GPRIN1: variants seen among roughly 807,000 people sequenced by gnomAD.
GPRIN1 encodes the protein G protein-regulated inducer of neurite outgrowth 1.
In GPRIN1, 4 loss-of-function variants were observed where a neutral mutation model predicts 2.8. The observed-to-expected ratio is 1.45, with a 90% CI of 0.71 to 3.32. GPRIN1 has a LOEUF of 3.32. Ranked by LOEUF, GPRIN1 falls within the 30% of genes most tolerant of loss-of-function variation. GPRIN1 has a pLI of 0.01. For missense variants in GPRIN1, 1,322 were observed against 1,343.4 expected (o/e 0.98, Z 0.25); for synonymous variants, 589 against 589.9 (o/e 1.00, Z 0.02).
At position 176,599,374 on chromosome 5, in the gene GPRIN1, TC is replaced by T. The variant is rs753537681; in HGVS notation, c.460del (p.Asp154IlefsTer13). The stretch of plus-strand genomic sequence containing the variant: ...ATCGGCCTGCTTTGAGGACTTGAAA[TC>T]CATCTTCTCTAAGAACATGGGATTT... Reference protein sequence around the residue: ...DRNPMFLEKMDFKSSKQADST... With the variant: ...DRNPMFLEKMXFKSSKQADST... On this transcript the variant is annotated frameshift_variant, in exon 2 of 2. Transcript: ENST00000303991. LOFTEE classifies it low-confidence loss of function (END_TRUNC). The T allele has an allele frequency of 6.2e-7, 1 of 1,614,234 alleles. No individual in the cohort carries two copies. Among genetic ancestry groups the T allele is most frequent in the Non-Finnish European group, 8.5e-7 (1 of 1,180,034 alleles).
chr5:176,598,313 C>T lies in GPRIN1; in HGVS notation c.1522G>A (p.Ala508Thr). The change falls in exon 2 of 2, where the codon GCA becomes ACA. Residue 508 changes from alanine to threonine, a missense_variant. Coordinates refer to ENST00000303991, the MANE Select transcript of GPRIN1 (RefSeq NM_052899.3). The part of the protein sequence containing the change: ...RSLGTAGPPS[A>T]VKAEPATGGK... ...CCCGTCGCTGGCTCAGCCTTTACTG[C>T]AGATGGGGGACCTGCTGTCCCCAAG... 2 of 1,613,802 alleles carry T rather than the reference C, an allele frequency of 1.2e-6. No individual in the cohort carries two copies. The highest frequency in any genetic ancestry group is 8.5e-7 in the Non-Finnish European group (1 of 1,179,806).
intron 1 of GPRIN1, among the ~76,000 whole-genome samples, chr5:176,606,117 G>C (rs1244598188): frequency 6.6e-6 from 1 of 152,160 alleles, no homozygotes; most frequent in Admixed American, 6.5e-5. Flanking sequence ...CCGCTTATCA[G>C]CTCTGTGACT....
chr5:176,598,810 A>C lies in GPRIN1; in HGVS notation c.1025T>G (p.Leu342Trp). 6.2e-7 allele frequency: 1 copy of C among 1,613,706 alleles called. No homozygotes were observed. The highest frequency in any genetic ancestry group is 2.2e-5 in the East Asian group (1 of 44,868). Residue 342 changes from leucine (L) to tryptophan (W), a missense_variant, in exon 2 of 2, where the codon TTG becomes TGG. By Grantham distance (61) the Leu-to-Trp change is moderately conservative (BLOSUM62 -2). This residue lies in a region of GPRIN1 where 1,117 missense variants were observed against 1,128.6 expected (regional missense o/e 0.99). Transcript: ENST00000303991. ...CAAGCATGTGGGATCCAGCCTTCCC[A>C]AGGACCCAGGAGCCCCGGTCCCAGA... is the stretch of plus-strand genomic sequence containing the variant. ...VSSGTGAPGS[L>W]GRLDPTCLGM...
In GPRIN1 at chr5:176,597,503, A is replaced by C; in HGVS notation, c.2332T>G (p.Cys778Gly). Residue 778 changes from cysteine to glycine, a missense_variant, in exon 2 of 2, where the codon TGC becomes GGC. Cys to Gly is a radical substitution (Grantham distance 159). Coordinates refer to ENST00000303991, the MANE Select transcript of GPRIN1 (RefSeq NM_052899.3). This position sits in a 1 kb window ranked among gnomAD's most constrained non-coding sequence, Gnocchi z 6.1. Reference protein sequence around the residue: ...LEAAGAERSPCPEAAAPPPGP... With the variant: ...LEAAGAERSPGPEAAAPPPGP... The stretch of plus-strand genomic sequence containing the variant: ...GGCGGGGGCGCTGCGGCCTCTGGGC[A>C]GGGGCTTCTCTCGGCCCCAGCGGCT... 6.9e-7 allele frequency: 1 copy of C among 1,447,568 alleles called. No individual in the cohort carries two copies. Among genetic ancestry groups the C allele is most frequent in the South Asian group, 1.3e-5 (1 of 74,444 alleles). 89.7% of individuals were successfully genotyped at this position (1,447,568 alleles called of 1,614,324 possible).
At position 176,602,382 on chromosome 5, in the gene GPRIN1, C is replaced by T. The variant is rs890847098; in HGVS notation, c.-43-2505G>A. Among the ~76,000 whole-genome samples the T allele has an allele frequency of 6.6e-6, 1 of 152,086 alleles. No individual in the cohort carries two copies. The highest frequency in any genetic ancestry group is 1.5e-5 in the Non-Finnish European group (1 of 68,014). ...CGCTTATTGCTTGTGGTGTGTTGCT[C>T]TCATTAAAATGCCAGCTCCAGGAGG... is the stretch of plus-strand genomic sequence containing the variant. On this transcript the variant is annotated intron_variant, in intron 1 of 1. Transcript: ENST00000303991. This position sits in a 1 kb window ranked among gnomAD's most constrained non-coding sequence, Gnocchi z 4.4.
chr5:176,597,195 G>A lies in GPRIN1; in HGVS notation c.2640C>T (p.Ala880=). The A allele has an allele frequency of 7.6e-7, 1 of 1,318,930 alleles. No individual in the cohort carries two copies. Among genetic ancestry groups the A allele is most frequent in the Non-Finnish European group, 9.7e-7 (1 of 1,033,720 alleles). 81.7% of individuals were successfully genotyped at this position (1,318,930 alleles called of 1,614,324 possible). The stretch of plus-strand genomic sequence containing the variant: ...CTTCGGGGAAGGCGGGCGGCGCGGC[G>A]GCTTGAGGTGTCATGGGCCCAGTGG... ...SVATGPMTPQ[A]AAPPAFPEVR... The change falls in exon 2 of 2, where the codon GCC becomes GCT. Residue 880 remains alanine, a synonymous_variant. Coordinates refer to ENST00000303991, the MANE Select transcript of GPRIN1 (RefSeq NM_052899.3). The surrounding 1 kb of genome is among the most constrained non-coding windows in gnomAD (Gnocchi z 6.1).
At position 176,597,387 on chromosome 5, in the gene GPRIN1, CGCCT is replaced by C. The variant is rs1759058305; in HGVS notation, c.2444_2447del (p.Gln815ArgfsTer11). 7.8e-7 allele frequency: 1 copy of C among 1,282,658 alleles called. No homozygotes were observed. The highest frequency in any genetic ancestry group is 9.8e-7 in the Non-Finnish European group (1 of 1,019,110). 79.5% of individuals were successfully genotyped at this position (1,282,658 alleles called of 1,614,324 possible). On this transcript the variant is annotated frameshift_variant, in exon 2 of 2. Coordinates refer to ENST00000303991, the MANE Select transcript of GPRIN1 (RefSeq NM_052899.3). LOFTEE classifies it low-confidence loss of function (END_TRUNC). The surrounding 1 kb of genome is among the most constrained non-coding windows in gnomAD (Gnocchi z 6.1). ...CCACTGAGACGCAGGCCTGCGCGCC[CGCCT>C]GAGTGCCCGCGTCCTCGCGCGGCGG...
At position 176,599,188 on chromosome 5, in the gene GPRIN1, T is replaced by C. The variant is rs1472333094; in HGVS notation, c.647A>G (p.Lys216Arg). 6.2e-7 allele frequency: 1 copy of C among 1,613,854 alleles called. No individual in the cohort carries two copies. Among genetic ancestry groups the C allele is most frequent in the African/African-American group, 1.3e-5 (1 of 75,038 alleles). The change falls in exon 2 of 2, where the codon AAA (lysine) becomes AGA (arginine). Residue 216 changes from lysine (K) to arginine (R), a missense_variant. By Grantham distance (26) the Lys-to-Arg change is conservative. This residue lies in a region of GPRIN1 where 1,117 missense variants were observed against 1,128.6 expected (regional missense o/e 0.99). Coordinates refer to ENST00000303991, the MANE Select transcript of GPRIN1 (RefSeq NM_052899.3). ...CTTGCTGGAGCACAAAGGATCTACT[T>C]TTCCCAGGGATCCAAGATCTTCCTT... is the stretch of plus-strand genomic sequence containing the variant. ...VRKEDLGSLG[K>R]VDPLCSSKTY...
In GPRIN1 at chr5:176,598,272, G is replaced by C; in HGVS notation, c.1563C>G (p.Pro521=). 6.2e-7 allele frequency: 1 copy of C among 1,613,462 alleles called. No homozygotes were observed. The highest frequency in any genetic ancestry group is 8.5e-7 in the Non-Finnish European group (1 of 1,179,886). Residue 521 remains proline, a synonymous_variant, in exon 2 of 2, where the codon CCC becomes CCG. Transcript: ENST00000303991. ...CCAGACCTGCCTTCTCCGAGGACAG[G>C]GGATCTCCTTTTCCCCCCGTCGCTG... ...AEPATGGKGD[P]LSSEKAGLVA...
intron 1 of GPRIN1, among the ~76,000 whole-genome samples, chr5:176,606,239 T>C (rs1561888967): frequency 1.3e-5 from 2 of 152,148 alleles, no homozygotes; most frequent in Non-Finnish European, 2.9e-5. Context: ...CTGCTCACTT[T>C]AGGGCTGGGC....
At position 176,599,138 on chromosome 5, in the gene GPRIN1, C is replaced by T. The variant is rs1285442727; in HGVS notation, c.697G>A (p.Glu233Lys). 4.7e-6 allele frequency: 4 copies of T among 860,010 alleles called. No individual in the cohort carries two copies. Among genetic ancestry groups the T allele is most frequent in the Admixed American group, 2.8e-5 (1 of 35,696 alleles). 53.3% of individuals were successfully genotyped at this position (860,010 alleles called of 1,614,324 possible). A position where few individuals can be genotyped will look rare whatever the true frequency, so the allele number is the denominator to read the frequency against. Residue 233 changes from glutamate to lysine, a missense_variant, in exon 2 of 2, where the codon GAG becomes AAG. By Grantham distance (56) the Glu-to-Lys change is moderately conservative. This residue lies in a region of GPRIN1 where 1,117 missense variants were observed against 1,128.6 expected (regional missense o/e 0.99). Transcript: ENST00000303991. ...SKTYTVSPRKEDPGSLRKVDP... is the reference protein window; with the variant it reads ...SKTYTVSPRKKDPGSLRKVDP... ...ACCTTTCTCAAAGACCCAGGATCCT[C>T]CTTCCTCGGTGACACTGTATACGTC...
Position 176,598,531 on chromosome 5 carries a change from A to G in GPRIN1, c.1304T>C (p.Leu435Ser), listed in dbSNP as rs1314797324. Reference protein sequence around the residue: ...DPMCSGKPELLSPGQAERVSV... With the variant: ...DPMCSGKPELSSPGQAERVSV... ...CACACGCTCTGCCTGTCCAGGAGAC[A>G]AGAGCTCTGGCTTTCCTGAGCACAT... Residue 435 changes from leucine to serine, a missense_variant, in exon 2 of 2, where the codon TTG becomes TCG. By Grantham distance (145) the Leu-to-Ser change is moderately radical (BLOSUM62 -2). Coordinates refer to ENST00000303991, the MANE Select transcript of GPRIN1 (RefSeq NM_052899.3). 1.2e-6 allele frequency: 2 copies of G among 1,614,170 alleles called. No homozygotes were observed. Among genetic ancestry groups the G allele is most frequent in the Admixed American group, 1.7e-5 (1 of 60,024 alleles).
Position 176,596,736 on chromosome 5 carries a change from C to A in GPRIN1, c.*72G>T. 1 of 1,276,186 alleles carries A rather than the reference C, an allele frequency of 7.8e-7. No individual in the cohort carries two copies. The highest frequency in any genetic ancestry group is 1.0e-6 in the Non-Finnish European group (1 of 994,960). The allele number at this position is 1,276,186 out of a possible 1,614,324, so 79.1% of individuals were successfully genotyped here. A position where few individuals can be genotyped will look rare whatever the true frequency, so the allele number is the denominator to read the frequency against. The stretch of plus-strand genomic sequence containing the variant: ...AGGCCTGTGGCACGCAGAGGGGACC[C>A]CTTCTAGGGGCCTGTGATCAAGAAG... On this transcript the variant is annotated 3_prime_UTR_variant, in exon 2 of 2. Coordinates refer to ENST00000303991, the MANE Select transcript of GPRIN1 (RefSeq NM_052899.3). This position sits in a 1 kb window ranked among gnomAD's most constrained non-coding sequence, Gnocchi z 5.2.
chr5:176,602,796 C>T lies in GPRIN1; in HGVS notation c.-43-2919G>A, dbSNP rs1204238999. Among the ~76,000 whole-genome samples the T allele has an allele frequency of 6.6e-6, 1 of 151,946 alleles. No homozygotes were observed. The highest frequency in any genetic ancestry group is 1.5e-5 in the Non-Finnish European group (1 of 68,022). ...ACTGTGGGACAACCACGCAGAGCAC[C>T]GGGCAGCTACTAGAAGGTGTGGGGT... On this transcript the variant is annotated intron_variant, in intron 1 of 1. Coordinates refer to ENST00000303991, the MANE Select transcript of GPRIN1 (RefSeq NM_052899.3). The surrounding 1 kb of genome is among the most constrained non-coding windows in gnomAD (Gnocchi z 4.4).
At chr5:176,599,968 C>G (rs1444782429) in intron 1 of GPRIN1, 91 bp from the exon 2 acceptor site, 1 of 824,022 alleles carries the variant, frequency 1.2e-6, no homozygotes, top group African/African-American at 1.8e-5. Flanking sequence ...GTGCTGTGTC[C>G]CATCTGGTCC....
rs373091421 is a variant in GPRIN1 at position 176,598,568 on chromosome 5, T to G, written c.1267A>C (p.Lys423Gln). The G allele has an allele frequency of 6.2e-7, 1 of 1,614,148 alleles. No individual in the cohort carries two copies. The highest frequency in any genetic ancestry group is 1.1e-5 in the South Asian group (1 of 91,078). The change falls in exon 2 of 2, where the codon AAG becomes CAG. Residue 423 changes from lysine (K) to glutamine (Q), a missense_variant. Physicochemically the swap from Lys to Gln is moderately conservative, Grantham distance 53 (BLOSUM62 1). Around this residue, in one of 3 missense-constraint regions of GPRIN1, gnomAD observed 1,117 missense variants for 1,128.6 expected, o/e 0.99. Transcript: ENST00000303991. ...SGKVDPVSLG[K>Q]MDPMCSGKPE... ...TTTCCTGAGCACATGGGGTCCATCTTTCCCAGAGAAACTGGATCCACCTTG... is the reference window on the plus strand; with the variant it reads ...TTTCCTGAGCACATGGGGTCCATCTGTCCCAGAGAAACTGGATCCACCTTG...
Position 176,597,573 on chromosome 5 carries a change from G to A in GPRIN1, c.2262C>T (p.Pro754=), listed in dbSNP as rs962257563. The A allele has an allele frequency of 1.3e-6, 2 of 1,589,240 alleles. No homozygotes were observed. Among genetic ancestry groups the A allele is most frequent in the Non-Finnish European group, 1.7e-6 (2 of 1,174,580 alleles). The change falls in exon 2 of 2, where the codon CCC becomes CCT. Residue 754 remains proline (P), a synonymous_variant. Coordinates refer to ENST00000303991, the MANE Select transcript of GPRIN1 (RefSeq NM_052899.3). The surrounding 1 kb of genome is among the most constrained non-coding windows in gnomAD (Gnocchi z 6.1). The stretch of plus-strand genomic sequence containing the variant: ...GACTGGAGGCCTCGGTGCTGGACAC[G>A]GGCTCGGCCTTCGGCTCCACGCGGC... The part of the protein sequence containing the change: ...SEGRVEPKAE[P]VSSTEASSLG...
rs10055756 is a variant in GPRIN1, at chr5:176,604,283, G to A, written c.-43-4406C>T. ...CCATCTGAGCCAGCCATGAAGAGCT[G>A]GAGTGGAGTCGGAAAGGGGGTGGCA... On this transcript the variant is annotated intron_variant, in intron 1 of 1. Transcript: ENST00000303991. Among the ~76,000 whole-genome samples the A allele has an allele frequency of 8.2e-3, 1,246 of 152,296 alleles. 19 individuals are homozygous for A. Among genetic ancestry groups the A allele is most frequent in the African/African-American group, 0.029 (1,207 of 41,536 alleles).
chr5:176,598,576 G>A lies in GPRIN1; in HGVS notation c.1259C>T (p.Ser420Phe). The A allele has an allele frequency of 6.2e-7, 1 of 1,614,120 alleles. No homozygotes were observed. Among genetic ancestry groups the A allele is most frequent in the Non-Finnish European group, 8.5e-7 (1 of 1,180,044 alleles). ...PMSSGKVDPV[S>F]LGKMDPMCSG... is the part of the protein sequence containing the mutation. ...GCACATGGGGTCCATCTTTCCCAGA[G>A]AAACTGGATCCACCTTGCCTGAAGA... Residue 420 changes from serine (S) to phenylalanine (F), a missense_variant, in exon 2 of 2, where the codon TCT (serine) becomes TTT (phenylalanine). Transcript: ENST00000303991.
Sources: allele counts gnomAD v4.1 joint callset (sites outside exome capture counted in the v4.1 genomes callset), GRCh38; gene constraint gnomAD v4.1.1; regional missense constraint gnomAD v4.1.1; non-coding constraint Gnocchi (gnomAD v3.1); transcripts MANE v1.5; gene names NCBI Gene and HGNC (gene_info 2026-07-23, HGNC 2026-07-21).